Variants in HLF observed in about 807,000 individuals in gnomAD.
The protein encoded by HLF is hepatic leukemia factor.
A neutral mutation model predicts 22.6 loss-of-function variants in HLF; 3 were observed. That is an observed-to-expected ratio of 0.13 (90% CI 0.06 to 0.34). The LOEUF is 0.34. Among genes scored for constraint, HLF ranks in the 10% least tolerant of loss-of-function variants. The pLI, the probability that HLF is intolerant of heterozygous loss-of-function variation, is 1.00. For synonymous variants in HLF, 151 were observed against 151.8 expected (o/e 0.99, Z 0.04); for missense variants, 299 against 389.2 (o/e 0.77, Z 1.95).
At chr17:55,298,066 C>G (rs2081125664) in intron 2 of HLF, among the ~76,000 whole-genome samples, 1 of 152,006 alleles carries the variant, frequency 6.6e-6, no homozygotes, top group South Asian at 2.1e-4. Context: ...TCTTTCTTTT[C>G]CTGTTTGAAG....
chr17:55,267,688 A>T, intron 1 of HLF, 63 bp from the exon 2 acceptor site: 1 of 1,173,950 alleles, frequency 8.5e-7, no homozygotes, highest in South Asian at 1.5e-5. Flanking sequence ...AAAGTGATAA[A>T]AGAGCGGTAT....
chr17:55,284,682 G>A (rs1462317751), intron 2 of HLF, among the ~76,000 whole-genome samples: 1 of 152,150 alleles, frequency 6.6e-6, no homozygotes, highest in Non-Finnish European at 1.5e-5. Flanking sequence ...GTGCCCTCTA[G>A]CCCTGTAAAC....
chr17:55,265,719 C>T (rs942734876), intron 1 of HLF, 120 bp downstream of exon 1: 12 of 1,099,422 alleles, frequency 1.1e-5, no homozygotes, highest in African/African-American at 3.4e-5. Context: ...CGCGGCGCCC[C>T]GGCCCCGCGC....
chr17:55,283,467 C>T (rs539337682), intron 2 of HLF: 2 of 152,348 alleles, frequency 1.3e-5, no homozygotes, highest in South Asian at 2.1e-4. Flanking sequence ...TTTGGAAGAT[C>T]CTTTAGTAGT....
At chr17:55,292,569 A>G (rs1201522892) in intron 2 of HLF, among the ~76,000 whole-genome samples, 1 of 152,172 alleles carries the variant, frequency 6.6e-6, no homozygotes, top group East Asian at 1.9e-4. Context: ...AAATGATGTG[A>G]CTTGCTTTAT....
chr17:55,301,803 G>T (rs1175765953), intron 2 of HLF, among the ~76,000 whole-genome samples: 6 of 152,220 alleles, frequency 3.9e-5, no homozygotes, highest in African/African-American at 1.4e-4. Flanking sequence ...AGATGGGATT[G>T]CAGGTGGCAG....
intron 2 of HLF, among the ~76,000 whole-genome samples, chr17:55,281,390 G>A (rs1390022862): frequency 2.6e-5 from 4 of 152,170 alleles, no homozygotes; most frequent in Non-Finnish European, 5.9e-5. Context: ...GCAGGTCCCT[G>A]TAATCCCAGA....
At position 55,282,514 on chromosome 17, in the gene HLF, C is replaced by T. The variant is rs762173531; in HGVS notation, c.451+14428C>T. Among the ~76,000 whole-genome samples the T allele has an allele frequency of 3.2e-4, 48 of 152,248 alleles. 1 individual carries two copies. Among genetic ancestry groups the T allele is most frequent in the Middle Eastern group, 6.8e-3 (2 of 294 alleles). On this transcript the variant is annotated intron_variant, in intron 2 of 3. Coordinates refer to ENST00000226067, the MANE Select transcript of HLF (RefSeq NM_002126.5). The stretch of plus-strand genomic sequence containing the variant: ...ATTATTATTTCCATTGGCTTTTAGG[C>T]GGCAAGAGATGGAAAACACGTAGCA...
intron 2 of HLF, among the ~76,000 whole-genome samples, chr17:55,298,797 A>T (rs1356840347): frequency 6.6e-6 from 1 of 152,206 alleles, no homozygotes; most frequent in Non-Finnish European, 1.5e-5. Context: ...TTTTTCTCCT[A>T]TGTAGGACTT....
chr17:55,298,883 A>G (rs1030682240), intron 2 of HLF, among the ~76,000 whole-genome samples: 2 of 152,344 alleles, frequency 1.3e-5, no homozygotes, highest in East Asian at 1.9e-4. Flanking sequence ...AATCAGATGC[A>G]TGCTCAATGA....
chr17:55,320,942 C>CTGTCTG lies in HLF; in HGVS notation c.*63_*64insTGTCTG. 1 of 1,298,518 alleles carries CTGTCTG rather than the reference C, an allele frequency of 7.7e-7. No individual in the cohort carries two copies. The highest frequency in any genetic ancestry group is 1.3e-5 in the South Asian group (1 of 76,248). The allele number at this position is 1,298,518 out of a possible 1,614,324, so 80.4% of individuals were successfully genotyped here. ...CAGTTTGTTTCCTGTCTGATAGCAC[C>CTGTCTG]ACACGCAAACCAACCTTTCTGACAT... On this transcript the variant is annotated 3_prime_UTR_variant, in exon 4 of 4. Transcript: ENST00000226067. The surrounding 1 kb of genome is among the most constrained non-coding windows in gnomAD (Gnocchi z 4.2).
intron 2 of HLF, among the ~76,000 whole-genome samples, chr17:55,271,069 A>G (rs1666937687): frequency 6.6e-6 from 1 of 152,216 alleles, no homozygotes; most frequent in South Asian, 2.1e-4. Context: ...TCACTACCAA[A>G]TGTCCCCTGG....
At chr17:55,282,761 T>G (rs755769140) in intron 2 of HLF, among the ~76,000 whole-genome samples, 2 of 152,192 alleles carry the variant, frequency 1.3e-5, no homozygotes, top group African/African-American at 2.4e-5. Flanking sequence ...ACATTCACAT[T>G]TTGGTGAATG....
chr17:55,312,114 G>A (rs72628383), intron 2 of HLF, among the ~76,000 whole-genome samples: 15,157 of 152,222 alleles, frequency 0.1, 1,448 homozygotes, highest in East Asian at 0.48. Flanking sequence ...TGTGAATAGC[G>A]CTGCGATGAA....
chr17:55,317,702 A>T lies in HLF; in HGVS notation c.672+2255A>T, dbSNP rs191063168. On this transcript the variant is annotated intron_variant, in intron 3 of 3. Transcript: ENST00000226067. Reference sequence around the variant, plus strand: ...GCAGAAAGGTCTGAGCTAAGGGTAGATGGAGGAGAAGGTGTTTCTGGCCCC... The same window carrying T: ...GCAGAAAGGTCTGAGCTAAGGGTAGTTGGAGGAGAAGGTGTTTCTGGCCCC... Among the ~76,000 whole-genome samples the T allele has an allele frequency of 5.1e-3, 781 of 152,336 alleles. 13 individuals are homozygous for T. The highest frequency in any genetic ancestry group is 3.4e-3 in the Non-Finnish European group (233 of 68,038).
At chr17:55,265,712 GGC>G (rs1027795134) in intron 1 of HLF, 113 bp downstream of exon 1, 1 of 1,096,744 alleles carries the variant, frequency 9.1e-7, no homozygotes, top group African/African-American at 1.7e-5. Context: ...CCTGTCCCGC[GGC>G]GCCCCGGCCC....
At chr17:55,265,659 G>A (rs918772601) in intron 1 of HLF, 60 bp downstream of exon 1, 5 of 1,282,074 alleles carry the variant, frequency 3.9e-6, no homozygotes, top group East Asian at 5.2e-5. Flanking sequence ...CCCCCTCCGC[G>A]GCCGGGCACG....
Position 55,301,411 on chromosome 17 carries a change from G to T in HLF, c.452-13816G>T, listed in dbSNP as rs1030142089. On this transcript the variant is annotated intron_variant, in intron 2 of 3. Coordinates refer to ENST00000226067, the MANE Select transcript of HLF (RefSeq NM_002126.5). ...TGTGTAAGGCAGTGGCATGGCCTTT[G>T]CCTGGAAAGATTTGCAATCTCGTTG... Among the ~76,000 whole-genome samples the T allele has an allele frequency of 1.4e-4, 22 of 152,346 alleles. 1 individual carries two copies. Among genetic ancestry groups the T allele is most frequent in the Middle Eastern group, 6.8e-3 (2 of 294 alleles).
intron 3 of HLF, among the ~76,000 whole-genome samples, chr17:55,317,310 G>C (rs1905111035): frequency 6.6e-6 from 1 of 152,098 alleles, no homozygotes; most frequent in African/African-American, 2.4e-5. Context: ...CTAAAGCCAG[G>C]GATCCTGTTC....
Sources: gnomAD v4.1 joint callset for allele counts (sites outside exome capture counted in the v4.1 genomes callset) on GRCh38, gnomAD v4.1.1 for gene constraint, Gnocchi (gnomAD v3.1) non-coding constraint, MANE v1.5 for transcripts, NCBI Gene and HGNC (gene_info 2026-07-23, HGNC 2026-07-21) for gene names.